Variants in TOGARAM2 observed in about 807,000 individuals in gnomAD.
TOGARAM2 encodes the protein TOG array regulator of axonemal microtubules protein 2.
A neutral mutation model predicts 93.3 loss-of-function variants in TOGARAM2; 85 were observed. The observed-to-expected ratio is 0.91, with a 90% CI of 0.76 to 1.09. The LOEUF (loss-of-function observed/expected upper bound fraction) is 1.09, where lower values mean the gene tolerates loss of function less well. Among genes scored for constraint, TOGARAM2 ranks in the 50% least tolerant of loss-of-function variants. The pLI is 0.00. For missense variants in TOGARAM2, 1,277 were observed against 1,334.5 expected, an observed-to-expected ratio of 0.96 and a Z score of 0.67; for synonymous variants, 593 against 552.8, an observed-to-expected ratio of 1.07 and a Z score of -1.02.
At chr2:28,997,834 G>A (rs541050627) in intron 2 of TOGARAM2, among the ~76,000 whole-genome samples, 3 of 152,332 alleles carry the variant, frequency 2.0e-5, no homozygotes, top group Admixed American at 6.5e-5. Flanking sequence ...TGGAAGAGGG[G>A]TGCCCATGAA....
At position 29,017,955 on chromosome 2, in the gene TOGARAM2, A is replaced by C; in HGVS notation, c.1359A>C (p.Ser453=). 1.3e-6 allele frequency: 2 copies of C among 1,599,616 alleles called. No homozygotes were observed. Among genetic ancestry groups the C allele is most frequent in the East Asian group, 4.5e-5 (2 of 44,518 alleles). ...RQEPRFARHA[S]ANSLPAVLTL... ...AGCCCCGCTTTGCCCGCCACGCCTC[A>C]GGTGGGCAGGCCCGACTGGCAGGCA... Residue 453 remains serine, a splice_region_variant and synonymous_variant, in exon 10 of 20, where the codon TCA becomes TCC. Transcript: ENST00000379558.
rs73922929 is a variant in TOGARAM2, at chr2:28,991,146, T to C, written c.-110-3579T>C. ...TTTCTAACATTACTTCATTTATTCC[T>C]AACAAAACCCCTTGTTAGGACATTT... On this transcript the variant is annotated intron_variant, in intron 1 of 19. Coordinates refer to ENST00000379558, the MANE Select transcript of TOGARAM2 (RefSeq NM_199280.4). Among the ~76,000 whole-genome samples the C allele has an allele frequency of 2.8e-3, 424 of 152,232 alleles. 2 individuals are homozygous for C. Among genetic ancestry groups the C allele is most frequent in the African/African-American group, 9.8e-3 (405 of 41,538 alleles).
At chr2:29,002,380 C>T (rs1203624488) in intron 4 of TOGARAM2, among the ~76,000 whole-genome samples, 156 bp from the exon 5 acceptor site, 1 of 152,222 alleles carries the variant, frequency 6.6e-6, no homozygotes, top group Non-Finnish European at 1.5e-5. Context: ...GCTGCTTGCT[C>T]AGTCTACCAG....
At chr2:29,029,570 T>C (rs371400446) in intron 14 of TOGARAM2, among the ~76,000 whole-genome samples, 7 of 151,598 alleles carry the variant, frequency 4.6e-5, no homozygotes, top group South Asian at 2.1e-4. Context: ...TCCTGGCTAA[T>C]ACGGTGAAAC....
chr2:29,049,930 C>T (rs950804602), intron 19 of TOGARAM2: 1 of 152,122 alleles, frequency 6.6e-6, no homozygotes, highest in Non-Finnish European at 1.5e-5. Flanking sequence ...CAGAGGGTGG[C>T]CCAGGGCATC....
intron 10 of TOGARAM2, among the ~76,000 whole-genome samples, chr2:29,019,182 T>C: frequency 6.8e-6 from 1 of 147,850 alleles, no homozygotes. Context: ...TGACTCTTTT[T>C]TTTTTTTTTT....
upstream of TOGARAM2, among the ~76,000 whole-genome samples, chr2:28,979,070 G>C (rs1672075717): frequency 6.6e-6 from 1 of 152,152 alleles, no homozygotes; most frequent in Admixed American, 6.5e-5. Context: ...GTCTCTTCAG[G>C]GGAGTTCCAG....
intron 1 of TOGARAM2, among the ~76,000 whole-genome samples, chr2:28,991,124 C>T (rs1040022916): frequency 5.3e-5 from 8 of 151,778 alleles, no homozygotes; most frequent in African/African-American, 1.9e-4. Context: ...ACTGTTATTT[C>T]TAACATTACT....
At chr2:29,005,455 G>A (rs1472485551) in intron 6 of TOGARAM2, among the ~76,000 whole-genome samples, 1 of 142,876 alleles carries the variant, frequency 7.0e-6, no homozygotes, top group Non-Finnish European at 1.5e-5. Context: ...GTATGTGAGA[G>A]CATGTGTGAC....
intron 9 of TOGARAM2, among the ~76,000 whole-genome samples, chr2:29,017,557 C>G (rs182571022): frequency 7.2e-5 from 11 of 152,284 alleles, no homozygotes; most frequent in African/African-American, 2.4e-4. Flanking sequence ...CAGACGTGTG[C>G]TACCATGCTT....
intron 1 of TOGARAM2, among the ~76,000 whole-genome samples, chr2:28,990,165 G>A (rs138873424): frequency 6.6e-6 from 1 of 152,280 alleles, no homozygotes; most frequent in Non-Finnish European, 1.5e-5. Context: ...CGAGATACAG[G>A]AAGGCATGTT....
intron 14 of TOGARAM2, among the ~76,000 whole-genome samples, chr2:29,028,200 C>A (rs1665530025): frequency 6.6e-6 from 1 of 152,162 alleles, no homozygotes; most frequent in South Asian, 2.1e-4. Flanking sequence ...CTCGCCCCAA[C>A]TGGAGACCAT....
intron 13 of TOGARAM2, among the ~76,000 whole-genome samples, chr2:29,025,607 C>T (rs1333023227): frequency 1.3e-5 from 2 of 152,178 alleles, no homozygotes; most frequent in Non-Finnish European, 2.9e-5. Context: ...GTTCAGATGT[C>T]AGTGCTGCTG....
chr2:29,040,634 T>G (rs569635300), intron 18 of TOGARAM2, among the ~76,000 whole-genome samples: 8 of 152,308 alleles, frequency 5.3e-5, no homozygotes, highest in African/African-American at 2.4e-5. Flanking sequence ...CCTTGGAACA[T>G]GAGCCATACA....
At chr2:29,051,173 T>C (rs1189858015) in intron 19 of TOGARAM2, 1 of 152,248 alleles carries the variant, frequency 6.6e-6, no homozygotes. Flanking sequence ...TCTCTGTATT[T>C]GTGTGGACTT....
At chr2:29,043,411 A>G (rs1008803752) in intron 18 of TOGARAM2, among the ~76,000 whole-genome samples, 1 of 152,206 alleles carries the variant, frequency 6.6e-6, no homozygotes, top group Admixed American at 6.5e-5. Context: ...CTCTCCAGGA[A>G]TGCAGGGGCT....
At chr2:28,979,876 T>G (rs1672111470), upstream of TOGARAM2, among the ~76,000 whole-genome samples, 1 of 152,160 alleles carries the variant, frequency 6.6e-6, no homozygotes, top group Admixed American at 6.5e-5. Context: ...AGATGGGCTT[T>G]GGGGGAGCTG....
intron 14 of TOGARAM2, among the ~76,000 whole-genome samples, chr2:29,031,213 C>T (rs555176091): frequency 2.4e-4 from 36 of 152,306 alleles, no homozygotes; most frequent in African/African-American, 6.3e-4. Flanking sequence ...GGTTGGAGTG[C>T]AGTGGCTATT....
chr2:29,017,789 C>T lies in TOGARAM2; in HGVS notation c.1196-3C>T, dbSNP rs751025856. ...AGTCCTAGGACTTTCTCTGTGTCCA[C>T]AGGCCTCCTTCCCCTCCGGGGCAGC... On this transcript the variant is annotated splice_polypyrimidine_tract_variant and splice_region_variant and intron_variant, in intron 9 of 19. Transcript: ENST00000379558. The T allele has an allele frequency of 1.2e-6, 2 of 1,604,916 alleles. No individual in the cohort carries two copies. The highest frequency in any genetic ancestry group is 1.7e-6 in the Non-Finnish European group (2 of 1,174,942).
Sources: gnomAD v4.1 joint callset for allele counts (sites outside exome capture counted in the v4.1 genomes callset) on GRCh38, gnomAD v4.1.1 for gene constraint, MANE v1.5 for transcripts, NCBI Gene and HGNC (gene_info 2026-07-23, HGNC 2026-07-21) for gene names.